KCNS3: variants seen among roughly 807,000 people sequenced by gnomAD.
KCNS3 encodes delayed-rectifier potassium channel regulatory subunit KCNS3.
A neutral mutation model predicts 31.0 loss-of-function variants in KCNS3; 13 were observed. That is an observed-to-expected ratio of 0.42 (90% CI 0.27 to 0.67). The LOEUF (loss-of-function observed/expected upper bound fraction) is 0.67. Ranked by LOEUF, KCNS3 falls within the 30% of genes least tolerant of loss-of-function variation. The probability of loss-of-function intolerance (pLI) is 0.25; values close to 1 mark genes in which losing one functional copy is unlikely to be tolerated. For missense variants in KCNS3, 545 were observed against 622.4 expected (o/e 0.88, Z 1.32); for synonymous variants, 238 against 241.5 (o/e 0.99, Z 0.13).
At chr2:17,909,309 G>A (rs1181954741) in intron 1 of KCNS3, among the ~76,000 whole-genome samples, 1 of 152,206 alleles carries the variant, frequency 6.6e-6, no homozygotes, top group Non-Finnish European at 1.5e-5. Flanking sequence ...CGTTGGAAAA[G>A]TGCGGTATTA....
intron 1 of KCNS3, among the ~76,000 whole-genome samples, chr2:17,910,957 C>T (rs1390889946): frequency 2.0e-5 from 3 of 152,214 alleles, no homozygotes; most frequent in Non-Finnish European, 2.9e-5. Flanking sequence ...GTCCATACCA[C>T]GAGCTTTCCT....
chr2:17,905,540 GT>G (rs1662293490), intron 1 of KCNS3, among the ~76,000 whole-genome samples: 1 of 152,152 alleles, frequency 6.6e-6, no homozygotes. Flanking sequence ...TCTTGTGCCA[GT>G]TTTCAAAGGG....
intron 1 of KCNS3, among the ~76,000 whole-genome samples, chr2:17,907,094 A>G (rs1291600874): frequency 1.3e-5 from 2 of 152,180 alleles, no homozygotes; most frequent in African/African-American, 4.8e-5. Flanking sequence ...GTGGGAGTCT[A>G]AGTCTCTTTG....
intron 1 of KCNS3, among the ~76,000 whole-genome samples, chr2:17,904,884 C>T (rs1662279067): frequency 6.6e-6 from 1 of 152,124 alleles, no homozygotes; most frequent in East Asian, 1.9e-4. Context: ...AGTTTGAAGT[C>T]AGGTAGCGTG....
intron 1 of KCNS3, among the ~76,000 whole-genome samples, chr2:17,901,063 T>C (rs79151163): frequency 0.016 from 2,504 of 152,210 alleles, 74 homozygotes; most frequent in African/African-American, 0.056. Context: ...AGCTAGTGAG[T>C]GCCGAATCCA....
intron 1 of KCNS3, among the ~76,000 whole-genome samples, chr2:17,911,991 G>GT (rs1275239993): frequency 2.0e-5 from 3 of 152,164 alleles, no homozygotes; most frequent in Non-Finnish European, 4.4e-5. Flanking sequence ...TGTAACTTCT[G>GT]TAACTTTTAT....
intron 1 of KCNS3, among the ~76,000 whole-genome samples, chr2:17,913,332 A>C (rs1662515193): frequency 6.6e-6 from 1 of 152,266 alleles, no homozygotes; most frequent in Non-Finnish European, 1.5e-5. Context: ...TAGTCTCCAC[A>C]AGGTTGGAAC....
chr2:17,885,262 ACTTTTTGTGTTTCAGTGGGACTCCT>A (rs1661617149), intron 1 of KCNS3, among the ~76,000 whole-genome samples: 1 of 152,168 alleles, frequency 6.6e-6, no homozygotes, highest in African/African-American at 2.4e-5. Context: ...GTTATGAGCC[ACTTTTTGTGTTTCAGTGGGACTCCT>A]CCTTACCTGG....
Position 17,932,436 on chromosome 2 carries a change from T to C in KCNS3, c.1428T>C (p.Asn476=). ...CAGATGCTTCAAGCATTGAAGACAATGAGGACATTTGTAACACCACCTCCT... is the reference window on the plus strand; with the variant it reads ...CAGATGCTTCAAGCATTGAAGACAACGAGGACATTTGTAACACCACCTCCT... ...DSTDASSIED[N]EDICNTTSLE... Residue 476 remains asparagine, a synonymous_variant, in exon 3 of 3, where the codon AAT becomes AAC. Coordinates refer to ENST00000304101, the MANE Select transcript of KCNS3 (RefSeq NM_002252.5). The C allele has an allele frequency of 1.2e-6, 2 of 1,613,880 alleles. No individual in the cohort carries two copies. The highest frequency in any genetic ancestry group is 1.7e-6 in the Non-Finnish European group (2 of 1,179,906).
chr2:17,918,476 AC>A (rs2125249297), intron 2 of KCNS3, among the ~76,000 whole-genome samples: 1 of 152,304 alleles, frequency 6.6e-6, no homozygotes, highest in African/African-American at 2.4e-5. Context: ...TGCCTCTTAG[AC>A]AAGTGGGGAC....
intron 2 of KCNS3, among the ~76,000 whole-genome samples, chr2:17,919,031 C>T (rs1404046154): frequency 6.6e-6 from 1 of 152,204 alleles, no homozygotes; most frequent in Non-Finnish European, 1.5e-5. Flanking sequence ...CAGGTTTTTC[C>T]TGTTTCTGTT....
chr2:17,916,768 T>TAA (rs368031348), intron 1 of KCNS3, among the ~76,000 whole-genome samples: 4,300 of 152,052 alleles, frequency 0.028, 159 homozygotes, highest in African/African-American at 0.084. Flanking sequence ...CCTAAGATAA[T>TAA]GCCCAGCAGA....
At chr2:17,904,345 T>G (rs1309492038) in intron 1 of KCNS3, among the ~76,000 whole-genome samples, 12 of 152,136 alleles carry the variant, frequency 7.9e-5, no homozygotes, top group African/African-American at 2.7e-4. Flanking sequence ...GTTCTTTGTA[T>G]ATTCTGGATA....
At chr2:17,890,192 T>A (rs540631845) in intron 1 of KCNS3, among the ~76,000 whole-genome samples, 1 of 152,306 alleles carries the variant, frequency 6.6e-6, no homozygotes, top group East Asian at 1.9e-4. Flanking sequence ...CTCTTCTATG[T>A]CTTCTAGTTT....
At chr2:17,912,893 T>A (rs1662502529) in intron 1 of KCNS3, among the ~76,000 whole-genome samples, 1 of 152,250 alleles carries the variant, frequency 6.6e-6, no homozygotes, top group Non-Finnish European at 1.5e-5. Flanking sequence ...TAGGGACAGA[T>A]TTTTAAAAAT....
Position 17,931,125 on chromosome 2 carries a change from C to T in KCNS3, c.117C>T (p.Thr39=). 1.2e-6 allele frequency: 2 copies of T among 1,614,184 alleles called. No individual in the cohort carries two copies. The highest frequency in any genetic ancestry group is 1.7e-6 in the Non-Finnish European group (2 of 1,180,032). ...DQSTLLRFPH[T]RLGKLLTCHS... is the part of the protein sequence containing the mutation. ...GCACCCTCCTGCGGTTTCCTCACACCAGACTGGGGAAGCTGCTTACTTGCC... is the reference window on the plus strand; with the variant it reads ...GCACCCTCCTGCGGTTTCCTCACACTAGACTGGGGAAGCTGCTTACTTGCC... Residue 39 remains threonine (T), a synonymous_variant, in exon 3 of 3, where the codon ACC becomes ACT. Transcript: ENST00000304101. The surrounding 1 kb of genome is among the most constrained non-coding windows in gnomAD (Gnocchi z 5.4).
At chr2:17,892,893 A>AT (rs1329489503) in intron 1 of KCNS3, among the ~76,000 whole-genome samples, 2 of 151,960 alleles carry the variant, frequency 1.3e-5, no homozygotes, top group African/African-American at 2.4e-5. Context: ...TTAATGCTCT[A>AT]TTTTTTTACT....
intron 2 of KCNS3, among the ~76,000 whole-genome samples, chr2:17,925,388 C>T (rs77415454): frequency 6.6e-6 from 1 of 152,226 alleles, no homozygotes; most frequent in Non-Finnish European, 1.5e-5. Flanking sequence ...TTGGTCTTCA[C>T]AACTGCTTAT....
rs1662627163 is a variant in KCNS3, at chr2:17,917,889, ATCTT to A, written c.-60+19_-60+22del. ...CCTCAAGGGTAAGAGTTGCCATTCT[ATCTT>A]ATTTTCTCAAGCACCCATTATTTAT... is the stretch of plus-strand genomic sequence containing the variant. On this transcript the variant is annotated intron_variant, in intron 2 of 2. Coordinates refer to ENST00000304101, the MANE Select transcript of KCNS3 (RefSeq NM_002252.5). The A allele has an allele frequency of 6.6e-6, 1 of 152,644 alleles. No individual in the cohort carries two copies. The highest frequency in any genetic ancestry group is 1.5e-5 in the Non-Finnish European group (1 of 68,046). The allele number at this position is 152,644 out of a possible 1,614,324, so 9.5% of individuals were successfully genotyped here.
Sources: allele counts gnomAD v4.1 joint callset (sites outside exome capture counted in the v4.1 genomes callset), GRCh38; gene constraint gnomAD v4.1.1; non-coding constraint Gnocchi (gnomAD v3.1); transcripts MANE v1.5; gene names NCBI Gene and HGNC (gene_info 2026-07-23, HGNC 2026-07-21).